ACO2: variants seen among roughly 807,000 people sequenced by gnomAD.
ACO2 encodes aconitase 2.
In ACO2, 31 loss-of-function variants were observed where a neutral mutation model predicts 84.5. The ratio of observed to expected loss-of-function variants is 0.37; its 90% CI spans 0.28 to 0.50. The LOEUF is 0.50. Among genes scored for constraint, ACO2 ranks in the 20% least tolerant of loss-of-function variants. The pLI is 0.97. For synonymous variants in ACO2, 414 were observed against 412.7 expected, an observed-to-expected ratio of 1.00 and a Z score of -0.04; for missense variants, 685 against 1,029.3, an observed-to-expected ratio of 0.67 and a Z score of 4.58.
chr22:41,473,305 GAC>G (rs1272732305), intron 1 of ACO2, among the ~76,000 whole-genome samples: 10 of 152,146 alleles, frequency 6.6e-5, no homozygotes, highest in Non-Finnish European at 8.8e-5. Flanking sequence ...AGAAATTCAA[GAC>G]CAGCCTGGCC....
In ACO2 at chr22:41,515,734, C is replaced by T; in HGVS notation, c.685-33C>T. 2 of 1,612,080 alleles carry T rather than the reference C, an allele frequency of 1.2e-6. No individual in the cohort carries two copies. Among genetic ancestry groups the T allele is most frequent in the Non-Finnish European group, 1.7e-6 (2 of 1,179,724 alleles). On this transcript the variant is annotated intron_variant, in intron 5 of 17. Transcript: ENST00000216254. This position sits in a 1 kb window ranked among gnomAD's most constrained non-coding sequence, Gnocchi z 5.8. Reference sequence around the variant, plus strand: ...TCGTGGCTGGCACAGGCACACACGGCCTCTCACAGCCGCCTCGCCCCCTCC... The same window carrying T: ...TCGTGGCTGGCACAGGCACACACGGTCTCTCACAGCCGCCTCGCCCCCTCC...
In ACO2 at chr22:41,518,524, T is replaced by G. The variant is rs1239613049; in HGVS notation, c.984T>G (p.Pro328=). 2 of 1,613,922 alleles carry G rather than the reference T, an allele frequency of 1.2e-6. No individual in the cohort carries two copies. Among genetic ancestry groups the G allele is most frequent in the Non-Finnish European group, 8.5e-7 (1 of 1,179,842 alleles). Reference sequence around the variant, plus strand: ...ATGAATTCAAGGATCACTTGGTGCCTGACCCTGGCTGCCATTATGACCAAC... The same window carrying G: ...ATGAATTCAAGGATCACTTGGTGCCGGACCCTGGCTGCCATTATGACCAAC... ...LADEFKDHLV[P]DPGCHYDQLI... Residue 328 remains proline, a synonymous_variant, in exon 8 of 18, where the codon CCT becomes CCG. Coordinates refer to ENST00000216254, the MANE Select transcript of ACO2 (RefSeq NM_001098.3).
intron 1 of ACO2, among the ~76,000 whole-genome samples, chr22:41,497,621 G>A (rs944988374): frequency 3.3e-5 from 5 of 152,018 alleles, no homozygotes; most frequent in Admixed American, 6.6e-5. Context: ...AGTGGCTCAC[G>A]CCTGTAATCC....
intron 2 of ACO2, among the ~76,000 whole-genome samples, chr22:41,502,475 GTATT>G: frequency 6.6e-6 from 1 of 152,318 alleles, no homozygotes; most frequent in Admixed American, 6.5e-5. Flanking sequence ...ATAGGACGTT[GTATT>G]TATTCTTGGA....
intron 3 of ACO2, among the ~76,000 whole-genome samples, chr22:41,511,008 G>T (rs531147984): frequency 6.6e-6 from 1 of 152,236 alleles, no homozygotes; most frequent in South Asian, 2.1e-4. Flanking sequence ...AGCCTCTGGG[G>T]TTTTTGTTTT....
intron 1 of ACO2, among the ~76,000 whole-genome samples, chr22:41,479,205 A>G (rs886876085): frequency 1.3e-5 from 2 of 152,194 alleles, no homozygotes; most frequent in Admixed American, 6.5e-5. Context: ...CCGTCCTGGA[A>G]CATGGATGTA....
intron 1 of ACO2, among the ~76,000 whole-genome samples, chr22:41,492,434 T>A (rs2066278463): frequency 6.6e-6 from 1 of 151,872 alleles, no homozygotes; most frequent in Non-Finnish European, 1.5e-5. Context: ...GTCAGGAGTT[T>A]GAGACCAGCC....
chr22:41,481,226 C>T (rs992733933), intron 1 of ACO2, among the ~76,000 whole-genome samples: 1 of 152,204 alleles, frequency 6.6e-6, no homozygotes, highest in Non-Finnish European at 1.5e-5. Context: ...AGCCAGATCC[C>T]TCCAGCCCTA....
intron 1 of ACO2, among the ~76,000 whole-genome samples, chr22:41,480,121 G>T (rs947852400): frequency 6.6e-6 from 1 of 152,182 alleles, no homozygotes; most frequent in Non-Finnish European, 1.5e-5. Flanking sequence ...CTACCAGGAG[G>T]GGGAGAAAAT....
At chr22:41,483,488 C>T (rs1201160015) in intron 1 of ACO2, among the ~76,000 whole-genome samples, 1 of 152,038 alleles carries the variant, frequency 6.6e-6, no homozygotes, top group African/African-American at 2.4e-5. Flanking sequence ...AAAACCCTGT[C>T]TTTACTAAAA....
intron 12 of ACO2, 148 bp downstream of exon 12, chr22:41,524,089 T>C: frequency 1.5e-6 from 1 of 671,442 alleles, no homozygotes; most frequent in South Asian, 1.7e-5. Flanking sequence ...GCATGCTTGG[T>C]GCTTCCTGCC....
chr22:41,489,786 C>T (rs1182093046), intron 1 of ACO2, among the ~76,000 whole-genome samples: 2 of 151,632 alleles, frequency 1.3e-5, no homozygotes, highest in African/African-American at 2.4e-5. Flanking sequence ...GTAATCAGAT[C>T]CTGCTATTGT....
intron 1 of ACO2, among the ~76,000 whole-genome samples, chr22:41,482,246 G>A (rs2038096190): frequency 6.6e-6 from 1 of 152,230 alleles, no homozygotes; most frequent in African/African-American, 2.4e-5. Flanking sequence ...GTCAGCAGTT[G>A]GGACCAACAA....
At chr22:41,508,812 A>T (rs1042268998) in intron 3 of ACO2, among the ~76,000 whole-genome samples, 1 of 152,090 alleles carries the variant, frequency 6.6e-6, no homozygotes, top group Non-Finnish European at 1.5e-5. Flanking sequence ...CAGCCCCTGC[A>T]GTGGGAGTGG....
At chr22:41,519,114 G>A (rs2066499869) in intron 8 of ACO2, among the ~76,000 whole-genome samples, 1 of 152,174 alleles carries the variant, frequency 6.6e-6, no homozygotes, top group Non-Finnish European at 1.5e-5. Context: ...ATGTCAGTTT[G>A]CCACCAGCTC....
chr22:41,495,745 C>G (rs1040268883), intron 1 of ACO2, among the ~76,000 whole-genome samples: 1 of 151,602 alleles, frequency 6.6e-6, no homozygotes, highest in Admixed American at 6.6e-5. Flanking sequence ...CTCAGCCTCC[C>G]GAGTAGCTGG....
intron 16 of ACO2, 180 bp downstream of exon 16, chr22:41,527,600 CTTCCCGCA>C (rs2066629136): frequency 1.1e-6 from 1 of 924,878 alleles, no homozygotes; most frequent in Non-Finnish European, 1.6e-6. Flanking sequence ...AGCTTCCCGG[CTTCCCGCA>C]GGCCCTGCTT....
chr22:41,473,579 C>T (rs1196674864), intron 1 of ACO2, among the ~76,000 whole-genome samples: 1 of 152,094 alleles, frequency 6.6e-6, no homozygotes, highest in Non-Finnish European at 1.5e-5. Flanking sequence ...CAGTAGTGAA[C>T]AAGAATAGTG....
intron 1 of ACO2, among the ~76,000 whole-genome samples, chr22:41,477,316 G>A (rs1953851994): frequency 6.6e-6 from 1 of 151,368 alleles, no homozygotes; most frequent in African/African-American, 2.4e-5. Context: ...ACCACGCCCA[G>A]CTAATTTTTT....
Sources: allele counts gnomAD v4.1 joint callset (sites outside exome capture counted in the v4.1 genomes callset), GRCh38; gene constraint gnomAD v4.1.1; non-coding constraint Gnocchi (gnomAD v3.1); transcripts MANE v1.5; gene names NCBI Gene and HGNC (gene_info 2026-07-23, HGNC 2026-07-21).